Variants in SHISAL1 observed in about 807,000 individuals in gnomAD.
The protein encoded by SHISAL1 is shisa like 1, also known as protein shisa-like-1.
Under a neutral mutation model 22.6 loss-of-function variants are expected in SHISAL1, and 9 were observed. The ratio of observed to expected loss-of-function variants is 0.40; its 90% CI spans 0.24 to 0.70. SHISAL1 has a LOEUF of 0.70. Ranked by LOEUF, SHISAL1 falls within the 30% of genes least tolerant of loss-of-function variation. The pLI is 0.39. For missense variants in SHISAL1, 246 were observed against 270.6 expected (o/e 0.91, Z 0.64); for synonymous variants, 119 against 115.4 (o/e 1.03, Z -0.20).
intron 4 of SHISAL1, among the ~76,000 whole-genome samples, chr22:44,284,450 C>T (rs776950456): frequency 1.6e-4 from 24 of 152,154 alleles, no homozygotes; most frequent in Non-Finnish European, 2.8e-4. Flanking sequence ...TGCACATGAA[C>T]CCAGGGGTCA....
At chr22:44,297,338 C>T (rs1377996265) in intron 2 of SHISAL1, among the ~76,000 whole-genome samples, 1 of 152,214 alleles carries the variant, frequency 6.6e-6, no homozygotes, top group Non-Finnish European at 1.5e-5. Flanking sequence ...GAACTCAGGC[C>T]TGGATTCAAA....
At chr22:44,263,664 G>A (rs778685799) in intron 4 of SHISAL1, among the ~76,000 whole-genome samples, 1 of 152,212 alleles carries the variant, frequency 6.6e-6, no homozygotes, top group East Asian at 1.9e-4. Context: ...TGGAGGGGAT[G>A]TGGCCATGGG....
upstream of SHISAL1, among the ~76,000 whole-genome samples, chr22:44,314,202 G>A (rs541486777): frequency 1.9e-3 from 289 of 150,768 alleles, 1 homozygote; most frequent in African/African-American, 5.7e-3. Flanking sequence ...GCGGTGGGGC[G>A]GGGGTGGGGG....
intron 3 of SHISAL1, among the ~76,000 whole-genome samples, chr22:44,291,988 G>GA (rs771296874): frequency 6.6e-6 from 1 of 152,326 alleles, no homozygotes. Context: ...CCACGTGGCT[G>GA]GAAGCGGGCA....
At chr22:44,250,816 G>A (rs999732373) in intron 4 of SHISAL1, among the ~76,000 whole-genome samples, 10 of 152,228 alleles carry the variant, frequency 6.6e-5, no homozygotes, top group Non-Finnish European at 8.8e-5. Flanking sequence ...TTTTACTTGC[G>A]TAAATTGCAT....
At chr22:44,269,618 C>T (rs1217071470) in intron 4 of SHISAL1, among the ~76,000 whole-genome samples, 1 of 150,778 alleles carries the variant, frequency 6.6e-6, no homozygotes, top group Non-Finnish European at 1.5e-5. Context: ...CACAGACCCA[C>T]ACAATATACA....
intron 4 of SHISAL1, among the ~76,000 whole-genome samples, chr22:44,270,127 C>G (rs1318627701): frequency 6.6e-6 from 1 of 152,250 alleles, no homozygotes; most frequent in Non-Finnish European, 1.5e-5. Context: ...GCAGTGGCCT[C>G]TCGCCAAAAC....
intron 4 of SHISAL1, among the ~76,000 whole-genome samples, chr22:44,273,250 G>C (rs1193544855): frequency 6.6e-6 from 1 of 152,152 alleles, no homozygotes; most frequent in Non-Finnish European, 1.5e-5. Context: ...GTTCCCCAGG[G>C]GAAGAAAACC....
At chr22:44,251,576 C>T (rs2147266592) in intron 4 of SHISAL1, among the ~76,000 whole-genome samples, 1 of 152,260 alleles carries the variant, frequency 6.6e-6, no homozygotes, top group African/African-American at 2.4e-5. Context: ...ACTTACAGTT[C>T]CACATGTCTG....
intron 4 of SHISAL1, among the ~76,000 whole-genome samples, chr22:44,276,915 A>G (rs1307823590): frequency 2.6e-5 from 4 of 152,190 alleles, no homozygotes; most frequent in Non-Finnish European, 5.9e-5. Context: ...AAAGAGGAAC[A>G]AGAAGGGCAG....
chr22:44,252,628 T>TA (rs11399241), intron 4 of SHISAL1, among the ~76,000 whole-genome samples: 32,480 of 139,774 alleles, frequency 0.23, 4,016 homozygotes, highest in South Asian at 0.39. Context: ...CACACTTGCT[T>TA]AAAAAAAAAA....
chr22:44,317,721 G>C (rs2055566887), upstream of SHISAL1, among the ~76,000 whole-genome samples: 1 of 152,156 alleles, frequency 6.6e-6, no homozygotes, highest in African/African-American at 2.4e-5. Flanking sequence ...CAGACCCCCT[G>C]ACACCAGACT....
intron 1 of SHISAL1, among the ~76,000 whole-genome samples, chr22:44,312,447 G>A (rs2055526355): frequency 6.6e-6 from 1 of 152,150 alleles, no homozygotes; most frequent in Non-Finnish European, 1.5e-5. Context: ...GGACACTGAG[G>A]CACAGAGACG....
intron 4 of SHISAL1, among the ~76,000 whole-genome samples, chr22:44,267,418 C>T (rs1326683308): frequency 1.2e-4 from 18 of 152,068 alleles, no homozygotes; most frequent in Admixed American, 1.2e-3. Flanking sequence ...TCTCAGCCCC[C>T]ACCCCAGGCC....
At chr22:44,281,153 G>A (rs1409645630) in intron 4 of SHISAL1, among the ~76,000 whole-genome samples, 2 of 152,230 alleles carry the variant, frequency 1.3e-5, no homozygotes, top group South Asian at 2.1e-4. Context: ...ACCAGGGCCC[G>A]CCACCTGAGG....
the SHISAL1 span, among the ~76,000 whole-genome samples, chr22:44,324,827 G>A: frequency 6.6e-6 from 1 of 152,178 alleles, no homozygotes. Context: ...TCAGCTGCAC[G>A]GCTCATTCTC....
At chr22:44,304,962 C>T (rs1015341311) in intron 1 of SHISAL1, among the ~76,000 whole-genome samples, 4 of 152,164 alleles carry the variant, frequency 2.6e-5, no homozygotes, top group Admixed American at 6.5e-5. Context: ...AGGCCTGGCC[C>T]CTGCTCCTGG....
chr22:44,272,954 G>A (rs2055215065), intron 4 of SHISAL1, among the ~76,000 whole-genome samples: 1 of 152,064 alleles, frequency 6.6e-6, no homozygotes, highest in Admixed American at 6.6e-5. Flanking sequence ...AAAGTTAGCT[G>A]GGCATGGTGG....
chr22:44,292,444 GT>G lies in SHISAL1; in HGVS notation c.281+4227del, dbSNP rs1181909009. Among the ~76,000 whole-genome samples, 6 of 152,324 alleles carry G rather than the reference GT, an allele frequency of 3.9e-5. No homozygotes were observed. The East Asian group carries it at 1.2e-3, about 29-fold the overall frequency. ...CAGAGCCCCTCAGATCTTGACACCA[GT>G]TGTTATCACCCATGTGGTCTGGGAC... is the stretch of plus-strand genomic sequence containing the variant. On this transcript the variant is annotated intron_variant, in intron 3 of 4. Transcript: ENST00000381176.
Sources: gnomAD v4.1 joint callset for allele counts (sites outside exome capture counted in the v4.1 genomes callset) on GRCh38, gnomAD v4.1.1 for gene constraint, MANE v1.5 for transcripts, NCBI Gene and HGNC (gene_info 2026-07-23, HGNC 2026-07-21) for gene names.